PCLO: variants seen among roughly 807,000 people sequenced by gnomAD.
The protein encoded by PCLO is protein piccolo.
A neutral mutation model predicts 427.5 loss-of-function variants in PCLO; 82 were observed. The observed-to-expected ratio is 0.19, with a 90% confidence interval of 0.16 to 0.23. PCLO has a LOEUF of 0.23. Among genes scored for constraint, PCLO ranks in the 10% least tolerant of loss-of-function variants. The pLI, the probability that PCLO is intolerant of heterozygous loss-of-function variation, is 1.00. For missense variants in PCLO, 6,239 were observed against 6,115.9 expected, an observed-to-expected ratio of 1.02 and a Z score of -0.67; for synonymous variants, 2,357 against 2,155.4, an observed-to-expected ratio of 1.09 and a Z score of -2.59.
At chr7:82,821,009 T>C (rs1033165312) in intron 20 of PCLO, 1 of 1,218,264 alleles carries the variant, frequency 8.2e-7, no homozygotes, top group African/African-American at 1.6e-5. Flanking sequence ...CATTAAAAAG[T>C]GGATAAACAT....
intron 3 of PCLO, among the ~76,000 whole-genome samples, chr7:83,112,322 T>A (rs1385669291): frequency 6.6e-6 from 1 of 152,082 alleles, no homozygotes; most frequent in Middle Eastern, 3.2e-3. Flanking sequence ...TCCCAAAGTG[T>A]TGGGATTACA....
At chr7:82,927,725 T>C (rs2116325572) in intron 6 of PCLO, among the ~76,000 whole-genome samples, 1 of 152,320 alleles carries the variant, frequency 6.6e-6, no homozygotes, top group Non-Finnish European at 1.5e-5. Flanking sequence ...TTGCACTGTA[T>C]CTTTATACAC....
Position 82,884,059 on chromosome 7 carries a change from GC to G in PCLO, c.13529-4598del, listed in dbSNP as rs1317439709. Among the ~76,000 whole-genome samples the G allele has an allele frequency of 6.6e-5, 10 of 152,244 alleles. No homozygotes were observed. In the East Asian group the frequency reaches 1.4e-3, roughly 21 times the overall value. ...TCTGGAATTACAGGCGTGAGCCACC[GC>G]GCCTGGACTTTTTCTGGTTTTAAAT... On this transcript the variant is annotated intron_variant, in intron 9 of 24. Transcript: ENST00000333891.
At chr7:83,131,010 G>A (rs1339999786) in intron 3 of PCLO, among the ~76,000 whole-genome samples, 3 of 152,140 alleles carry the variant, frequency 2.0e-5, no homozygotes, top group Non-Finnish European at 4.4e-5. Context: ...TATCCATTAT[G>A]AGTAATTCTG....
chr7:83,076,276 C>CT lies in PCLO; in HGVS notation c.3300+57973dup, dbSNP rs200873390. On this transcript the variant is annotated intron_variant, in intron 3 of 24. Coordinates refer to ENST00000333891, the MANE Select transcript of PCLO (RefSeq NM_033026.6). ...GGGTAAATGGTGGAGCCATTCACTT[C>CT]TTTTTTTTTTTGAGATGGACTTTTG... is the stretch of plus-strand genomic sequence containing the variant. 9.8e-3 allele frequency among the ~76,000 whole-genome samples: 1,436 copies of CT among 146,690 alleles called. 11 individuals are homozygous for CT. The highest frequency in any genetic ancestry group is 0.015 in the Non-Finnish European group (968 of 66,128).
intron 9 of PCLO, among the ~76,000 whole-genome samples, chr7:82,893,457 A>G (rs1793823151): frequency 6.6e-6 from 1 of 152,064 alleles, no homozygotes; most frequent in East Asian, 1.9e-4. Flanking sequence ...TAGCATTAGG[A>G]GATACACCTA....
In PCLO at chr7:82,951,918, G is replaced by A. The variant is rs1795359407; in HGVS notation, c.9035C>T (p.Ala3012Val). The A allele has an allele frequency of 1.2e-6, 2 of 1,613,668 alleles. No individual in the cohort carries two copies. Among genetic ancestry groups the A allele is most frequent in the Admixed American group, 1.7e-5 (1 of 59,988 alleles). Residue 3012 changes from alanine (A) to valine (V), a missense_variant, in exon 5 of 25, where the codon GCT (alanine) becomes GTT (valine). Ala to Val is a moderately conservative substitution (Grantham distance 64). Transcript: ENST00000333891. ...AGHFFYKSKN[A>V]FDYSEGTDTA... The stretch of plus-strand genomic sequence containing the variant: ...GTCAGTTCCTTCAGAATAATCAAAA[G>A]CATTCTTACTTTTATAGAAAAAATG...
chr7:83,054,086 T>A (rs62458596), intron 3 of PCLO, among the ~76,000 whole-genome samples: 3,697 of 152,066 alleles, frequency 0.024, 57 homozygotes, highest in South Asian at 0.04. Flanking sequence ...TTCAAAAATT[T>A]TCAATAGCCA....
chr7:82,951,711 TG>T, intron 5 of PCLO, 144 bp downstream of exon 5: 1 of 1,263,300 alleles, frequency 7.9e-7, no homozygotes, highest in Non-Finnish European at 1.1e-6. Flanking sequence ...AAAGCGCACT[TG>T]TACTCCAAAA....
intron 9 of PCLO, among the ~76,000 whole-genome samples, chr7:82,890,035 T>C (rs1584106803): frequency 6.6e-6 from 1 of 151,308 alleles, no homozygotes; most frequent in African/African-American, 2.4e-5. Context: ...CATATTACAA[T>C]ATATTATATT....
intron 3 of PCLO, among the ~76,000 whole-genome samples, chr7:83,074,561 C>A (rs1042525855): frequency 6.6e-6 from 1 of 152,056 alleles, no homozygotes; most frequent in African/African-American, 2.4e-5. Flanking sequence ...CCATTAAAAT[C>A]TTTTAAAGGA....
At chr7:83,066,095 G>A (rs1331215947) in intron 3 of PCLO, among the ~76,000 whole-genome samples, 1 of 152,014 alleles carries the variant, frequency 6.6e-6, no homozygotes, top group Non-Finnish European at 1.5e-5. Context: ...TTCAATTCTT[G>A]TGAATAAACA....
intron 3 of PCLO, among the ~76,000 whole-genome samples, chr7:83,057,323 T>C (rs191062992): frequency 0.024 from 221 of 9,200 alleles, no homozygotes; most frequent in African/African-American, 0.085. Flanking sequence ...TATACATATA[T>C]ATATATATAT....
chr7:82,785,226 A>T (rs557888565), intron 22 of PCLO, among the ~76,000 whole-genome samples: 1 of 152,276 alleles, frequency 6.6e-6, no homozygotes, highest in East Asian at 1.9e-4. Context: ...ATCTCAGATC[A>T]TCAGGCATTA....
intron 3 of PCLO, among the ~76,000 whole-genome samples, chr7:83,083,881 T>G (rs1790165607): frequency 6.6e-6 from 1 of 152,160 alleles, no homozygotes; most frequent in Non-Finnish European, 1.5e-5. Flanking sequence ...CATTTAATTC[T>G]CATTTGGCAT....
intron 10 of PCLO, among the ~76,000 whole-genome samples, chr7:82,850,099 A>G (rs2115838436): frequency 6.6e-6 from 1 of 152,082 alleles, no homozygotes; most frequent in East Asian, 1.9e-4. Context: ...ACCTCTGCCA[A>G]CCGGGTTCAA....
intron 10 of PCLO, among the ~76,000 whole-genome samples, chr7:82,863,045 G>A (rs945236088): frequency 6.6e-6 from 1 of 151,952 alleles, no homozygotes; most frequent in African/African-American, 2.4e-5. Flanking sequence ...TTGAGGGCAT[G>A]GATACCCTAT....
chr7:83,068,449 T>C (rs2116342447), intron 3 of PCLO, among the ~76,000 whole-genome samples: 1 of 152,022 alleles, frequency 6.6e-6, no homozygotes, highest in East Asian at 1.9e-4. Flanking sequence ...ATAATCCAAT[T>C]AAAAAATCTA....
chr7:83,038,004 TATATATATATATA>T (rs1788842530), intron 3 of PCLO, among the ~76,000 whole-genome samples: 1 of 38,276 alleles, frequency 2.6e-5, no homozygotes, highest in Admixed American at 4.6e-4. Context: ...TATATATATA[TATATATATATATA>T]TATATATATA....
Sources: gnomAD v4.1 joint callset for allele counts (sites outside exome capture counted in the v4.1 genomes callset) on GRCh38, gnomAD v4.1.1 for gene constraint, MANE v1.5 for transcripts, NCBI Gene and HGNC (gene_info 2026-07-23, HGNC 2026-07-21) for gene names.